Variants in SPATS2L observed in about 807,000 individuals in gnomAD.
SPATS2L encodes the protein spermatogenesis associated serine rich 2 like, also known as SPATS2-like protein.
Under a neutral mutation model 59.6 loss-of-function variants are expected in SPATS2L, and 30 were observed. The observed-to-expected ratio is 0.50, with a 90% CI of 0.38 to 0.68. The LOEUF (loss-of-function observed/expected upper bound fraction) is 0.68, where lower values mean the gene tolerates loss of function less well. SPATS2L is among the 30% of genes least tolerant of loss of function. The probability of loss-of-function intolerance (pLI) is 0.00; values close to 1 mark genes in which losing one functional copy is unlikely to be tolerated. For synonymous variants in SPATS2L, 252 were observed against 263.5 expected (o/e 0.96, Z 0.42); for missense variants, 615 against 700.0 (o/e 0.88, Z 1.37).
At chr2:200,473,095 A>AC in intron 12 of SPATS2L, 43 bp downstream of exon 12, 1 of 1,520,804 alleles carries the variant, frequency 6.6e-7, no homozygotes, top group Non-Finnish European at 8.8e-7. Flanking sequence ...AAAAAAAAAA[A>AC]AAACCTGTTT....
chr2:200,449,720 AGAT>A (rs2085309748), intron 8 of SPATS2L, among the ~76,000 whole-genome samples: 1 of 152,258 alleles, frequency 6.6e-6, no homozygotes, highest in Admixed American at 6.5e-5. Flanking sequence ...AGAAAAAAGA[AGAT>A]GAATTTGTTC....
At chr2:200,388,475 G>A (rs942140147) in intron 2 of SPATS2L, among the ~76,000 whole-genome samples, 3 of 152,002 alleles carry the variant, frequency 2.0e-5, no homozygotes, top group Non-Finnish European at 2.9e-5. Flanking sequence ...GGGAGGCTGA[G>A]GTGGCAGGAT....
intron 8 of SPATS2L, among the ~76,000 whole-genome samples, chr2:200,454,382 T>G (rs1444714985): frequency 6.6e-6 from 1 of 152,216 alleles, no homozygotes; most frequent in Non-Finnish European, 1.5e-5. Context: ...AGCTTCCAAA[T>G]GAATCAATTT....
chr2:200,434,731 G>A (rs1430868560), intron 6 of SPATS2L, among the ~76,000 whole-genome samples: 3 of 152,090 alleles, frequency 2.0e-5, no homozygotes, highest in East Asian at 3.8e-4. Flanking sequence ...ATGTCATGTC[G>A]AGGGTCAAAA....
intron 9 of SPATS2L, among the ~76,000 whole-genome samples, chr2:200,460,561 C>T (rs1054512442): frequency 3.3e-5 from 5 of 151,888 alleles, no homozygotes; most frequent in South Asian, 2.1e-4. Flanking sequence ...CTGGCTAACA[C>T]GGTGAAACCC....
intron 2 of SPATS2L, among the ~76,000 whole-genome samples, chr2:200,381,475 A>G (rs3754794): frequency 0.11 from 16,749 of 151,806 alleles, 1,201 homozygotes; most frequent in Middle Eastern, 0.25. Context: ...AGTTCTTCCA[A>G]CTCTCCCTAT....
At position 200,412,393 on chromosome 2, in the gene SPATS2L, A is replaced by G; in HGVS notation, c.122A>G (p.Asp41Gly). The G allele has an allele frequency of 3.1e-6, 5 of 1,607,048 alleles. No individual in the cohort carries two copies. The highest frequency in any genetic ancestry group is 4.2e-6 in the Non-Finnish European group (5 of 1,176,540). The change falls in exon 4 of 13, where the codon GAT (aspartate) becomes GGT (glycine). Residue 41 changes from aspartate (D) to glycine (G), a missense_variant. Asp to Gly is a moderately conservative substitution (Grantham distance 94, BLOSUM62 -1). Coordinates refer to ENST00000409140, the MANE Select transcript of SPATS2L (RefSeq NM_001100423.2). Reference sequence around the variant, plus strand: ...CTCCAACAGTTTGATTTTAATGTGGATAAAGCCGTGCAAGCCTTTGTGGAT... The same window carrying G: ...CTCCAACAGTTTGATTTTAATGTGGGTAAAGCCGTGCAAGCCTTTGTGGAT... The part of the protein sequence containing the change: ...LVLQQFDFNV[D>G]KAVQAFVDGS...
intron 11 of SPATS2L, among the ~76,000 whole-genome samples, chr2:200,471,511 C>T (rs569302437): frequency 6.6e-6 from 1 of 152,298 alleles, no homozygotes; most frequent in African/African-American, 2.4e-5. Flanking sequence ...TGGTCCCTTA[C>T]TAAATTCCAG....
At chr2:200,408,256 G>T (rs141249383) in intron 3 of SPATS2L, among the ~76,000 whole-genome samples, 2 of 152,220 alleles carry the variant, frequency 1.3e-5, no homozygotes, top group Non-Finnish European at 1.5e-5. Context: ...TGTCTGTGAA[G>T]GGGTAAAGTC....
intron 2 of SPATS2L, among the ~76,000 whole-genome samples, chr2:200,380,462 C>T (rs1322688020): frequency 6.6e-6 from 1 of 152,208 alleles, no homozygotes; most frequent in Non-Finnish European, 1.5e-5. Context: ...CCATGAAGGT[C>T]TCAAACTTGC....
At chr2:200,469,704 C>G in intron 10 of SPATS2L, 1 of 505,564 alleles carries the variant, frequency 2.0e-6, no homozygotes, top group Non-Finnish European at 3.5e-6. Flanking sequence ...AACACAGGCC[C>G]CTCACATATT....
In SPATS2L at chr2:200,439,341, C is replaced by A. The variant is rs778964853; in HGVS notation, c.652+13C>A. 133 of 1,602,170 alleles carry A rather than the reference C, an allele frequency of 8.3e-5. No homozygotes were observed. The highest frequency in any genetic ancestry group is 2.5e-4 in the Admixed American group (15 of 59,798). ...GCAAAGAAAAGAGGTAAAGTGATTT[C>A]TTTTGCACAAATGATTCAACATATT... is the stretch of plus-strand genomic sequence containing the variant. On this transcript the variant is annotated intron_variant, in intron 7 of 12. Transcript: ENST00000409140.
chr2:200,461,874 A>G (rs1446024746), intron 9 of SPATS2L, among the ~76,000 whole-genome samples: 6 of 152,036 alleles, frequency 3.9e-5, no homozygotes, highest in Non-Finnish European at 7.4e-5. Context: ...TTCATTTCAG[A>G]CCTCCTTTAG....
In SPATS2L at chr2:200,339,051, G is replaced by A. The variant is rs375393312; in HGVS notation, c.-23+9571G>A. On this transcript the variant is annotated intron_variant, in intron 2 of 12. Transcript: ENST00000409140. ...ACATCATCCTCCAGGCATGCCGAAC[G>A]ATGTCAGTCAGAAAGCCGTTCCTTA... is the stretch of plus-strand genomic sequence containing the variant. Among the ~76,000 whole-genome samples the A allele has an allele frequency of 5.9e-5, 9 of 152,318 alleles. No homozygotes were observed. In the East Asian group the frequency reaches 9.6e-4, roughly 16 times the overall value.
At chr2:200,469,421 C>A (rs958213255) in intron 10 of SPATS2L, among the ~76,000 whole-genome samples, 2 of 152,200 alleles carry the variant, frequency 1.3e-5, no homozygotes, top group Non-Finnish European at 2.9e-5. Context: ...CTCTTTCTCA[C>A]TTCTTTTCAC....
chr2:200,451,662 G>A (rs1016140553), intron 8 of SPATS2L, among the ~76,000 whole-genome samples: 5 of 152,092 alleles, frequency 3.3e-5, no homozygotes, highest in African/African-American at 1.2e-4. Context: ...TGGAGGCCAG[G>A]AGCAGAGGAG....
chr2:200,334,878 G>C (rs1282539839), intron 2 of SPATS2L, among the ~76,000 whole-genome samples: 2 of 152,182 alleles, frequency 1.3e-5, no homozygotes, highest in African/African-American at 4.8e-5. Flanking sequence ...CTATATATCT[G>C]TTTTGGTACC....
chr2:200,351,429 A>C (rs1385897518), intron 2 of SPATS2L: 10 of 414,292 alleles, frequency 2.4e-5, no homozygotes, highest in Non-Finnish European at 4.5e-5. Flanking sequence ...CTGAGAAATT[A>C]AAATTAAATG....
intron 12 of SPATS2L, among the ~76,000 whole-genome samples, chr2:200,476,838 T>C (rs1460162263): frequency 2.6e-5 from 4 of 152,144 alleles, no homozygotes; most frequent in Non-Finnish European, 1.5e-5. Context: ...CCATGAAAAA[T>C]CAGGTCATAT....
Sources: allele counts gnomAD v4.1 joint callset (sites outside exome capture counted in the v4.1 genomes callset), GRCh38; gene constraint gnomAD v4.1.1; transcripts MANE v1.5; gene names NCBI Gene and HGNC (gene_info 2026-07-23, HGNC 2026-07-21).